CMSS1: variants seen among roughly 807,000 people sequenced by gnomAD.
CMSS1 encodes the protein cms1 ribosomal small subunit homolog.
Under a neutral mutation model 43.5 loss-of-function variants are expected in CMSS1, and 33 were observed. The ratio of observed to expected loss-of-function variants is 0.76; its 90% CI spans 0.57 to 1.01. CMSS1 has a LOEUF of 1.01. Ranked by LOEUF, CMSS1 falls within the 50% of genes least tolerant of loss-of-function variation. The probability of loss-of-function intolerance (pLI) is 0.00; values close to 1 mark genes in which losing one functional copy is unlikely to be tolerated. For synonymous variants in CMSS1, 115 were observed against 117.2 expected (o/e 0.98, Z 0.12); for missense variants, 313 against 326.4 (o/e 0.96, Z 0.32).
chr3:100,029,782 G>A (rs568988704), intron 1 of CMSS1, among the ~76,000 whole-genome samples: 70 of 152,236 alleles, frequency 4.6e-4, no homozygotes, highest in Non-Finnish European at 9.6e-4. Context: ...GGCTTTTGTA[G>A]CTGAGCCTGT....
intron 2 of CMSS1, among the ~76,000 whole-genome samples, chr3:100,148,562 C>T (rs969968199): frequency 1.3e-4 from 20 of 152,128 alleles, no homozygotes; most frequent in Admixed American, 9.2e-4. Context: ...TGTAGTGTTG[C>T]TTAACTTGCC....
At chr3:100,160,705 A>G (rs759974483) in intron 3 of CMSS1, among the ~76,000 whole-genome samples, 23 of 152,138 alleles carry the variant, frequency 1.5e-4, no homozygotes, top group Non-Finnish European at 3.4e-4. Flanking sequence ...TCTGACTCCT[A>G]TTTCAGTCCT....
intron 1 of CMSS1, among the ~76,000 whole-genome samples, chr3:100,083,114 G>A (rs761129132): frequency 6.6e-6 from 1 of 152,132 alleles, no homozygotes; most frequent in Non-Finnish European, 1.5e-5. Flanking sequence ...TTATTGTTTA[G>A]GGTCAGACAT....
chr3:100,016,409 T>G (rs952994559), intron 1 of CMSS1, among the ~76,000 whole-genome samples: 1 of 152,192 alleles, frequency 6.6e-6, no homozygotes, highest in Non-Finnish European at 1.5e-5. Flanking sequence ...CAGGCTGGTC[T>G]CAAATTCCTG....
intron 1 of CMSS1, among the ~76,000 whole-genome samples, chr3:100,102,608 T>C (rs1205468325): frequency 2.6e-5 from 4 of 152,200 alleles, no homozygotes; most frequent in African/African-American, 9.7e-5. Context: ...TACTAAACTA[T>C]TAATTCTTTG....
At chr3:100,135,485 T>TGTGTGTGC (rs1300364816) in intron 1 of CMSS1, among the ~76,000 whole-genome samples, 8 of 143,780 alleles carry the variant, frequency 5.6e-5, no homozygotes, top group African/African-American at 2.1e-4. Flanking sequence ...TGTGTGTGTG[T>TGTGTGTGC]GTGTGTTTAA....
chr3:99,897,437 A>G (rs1706294360), intron 1 of CMSS1, among the ~76,000 whole-genome samples: 2 of 152,340 alleles, frequency 1.3e-5, no homozygotes, highest in South Asian at 4.1e-4. Flanking sequence ...AACAAAGCTA[A>G]GAAAAACAAG....
intron 1 of CMSS1, among the ~76,000 whole-genome samples, chr3:100,119,284 T>C (rs1293355790): frequency 6.6e-6 from 1 of 152,256 alleles, no homozygotes; most frequent in Admixed American, 6.5e-5. Context: ...TGAATTCTTG[T>C]AGCAGAGCTA....
At chr3:99,879,064 C>T (rs1324918725) in intron 1 of CMSS1, among the ~76,000 whole-genome samples, 2 of 152,128 alleles carry the variant, frequency 1.3e-5, no homozygotes, top group Admixed American at 6.6e-5. Context: ...ACTTTCTTTT[C>T]ATTTTTTAAT....
chr3:99,905,910 T>C (rs1376602432), intron 1 of CMSS1, among the ~76,000 whole-genome samples: 1 of 152,214 alleles, frequency 6.6e-6, no homozygotes, highest in East Asian at 1.9e-4. Flanking sequence ...TTAGCCTTTC[T>C]GGCCAGGCGC....
intron 1 of CMSS1, among the ~76,000 whole-genome samples, chr3:99,839,244 T>A (rs1177208975): frequency 6.6e-6 from 1 of 152,238 alleles, no homozygotes; most frequent in African/African-American, 2.4e-5. Context: ...TGTGTTGAGC[T>A]CTTAGTTACC....
At chr3:99,936,850 A>AG (rs1346561140) in intron 1 of CMSS1, among the ~76,000 whole-genome samples, 2 of 152,282 alleles carry the variant, frequency 1.3e-5, no homozygotes, top group East Asian at 3.9e-4. Flanking sequence ...TTTAACATTA[A>AG]TTTATTCAAC....
intron 1 of CMSS1, among the ~76,000 whole-genome samples, chr3:99,904,774 T>G (rs1386326357): frequency 6.6e-6 from 1 of 152,166 alleles, no homozygotes; most frequent in Non-Finnish European, 1.5e-5. Context: ...CCATCCTCTT[T>G]TGCTCTAGAA....
intron 1 of CMSS1, among the ~76,000 whole-genome samples, chr3:99,926,588 A>T (rs1036233812): frequency 6.6e-6 from 1 of 152,246 alleles, no homozygotes; most frequent in African/African-American, 2.4e-5. Context: ...AAATACATTC[A>T]ATTTAATTTG....
At chr3:100,094,674 C>CTTTTTT (rs71132509) in intron 1 of CMSS1, among the ~76,000 whole-genome samples, 1 of 57,000 alleles carries the variant, frequency 1.8e-5, no homozygotes, top group Non-Finnish European at 3.2e-5. Flanking sequence ...GAAAAGCTGC[C>CTTTTTT]TTTTTTTTTT....
intron 1 of CMSS1, among the ~76,000 whole-genome samples, chr3:99,953,008 G>T (rs1708222231): frequency 6.6e-6 from 1 of 152,098 alleles, no homozygotes; most frequent in South Asian, 2.1e-4. Context: ...TCTGAAGGTG[G>T]ATTTTCTCAT....
At chr3:100,114,890 ACGCT>A in intron 1 of CMSS1, 2 of 1,299,998 alleles carry the variant, frequency 1.5e-6, no homozygotes, top group Admixed American at 4.0e-5. Flanking sequence ...GCTATTATTA[ACGCT>A]GTGTTGGACT....
chr3:100,103,300 A>T (rs1412334226), intron 1 of CMSS1, among the ~76,000 whole-genome samples: 1 of 152,198 alleles, frequency 6.6e-6, no homozygotes, highest in East Asian at 1.9e-4. Context: ...CCAGAAACAC[A>T]CATGCAGAAC....
At chr3:100,127,878 C>G (rs1476573326) in intron 1 of CMSS1, among the ~76,000 whole-genome samples, 1 of 152,170 alleles carries the variant, frequency 6.6e-6, no homozygotes, top group East Asian at 1.9e-4. Context: ...GTCTAGTTAT[C>G]TTCTTAAAGT....
Sources: allele counts gnomAD v4.1 joint callset (sites outside exome capture counted in the v4.1 genomes callset), GRCh38; gene constraint gnomAD v4.1.1; transcripts MANE v1.5; gene names NCBI Gene and HGNC (gene_info 2026-07-23, HGNC 2026-07-21).